The following MAPK10 variants were observed in gnomAD, a reference collection of about 807,000 sequenced individuals.
MAPK10 encodes the protein mitogen-activated protein kinase 10, also known as JNK3 alpha protein kinase.
Under a neutral mutation model 59.3 loss-of-function variants are expected in MAPK10, and 25 were observed. The ratio of observed to expected loss-of-function variants is 0.42; its 90% CI spans 0.31 to 0.59. The LOEUF is 0.59. Among genes scored for constraint, MAPK10 ranks in the 20% least tolerant of loss-of-function variants. The pLI, the probability that MAPK10 is intolerant of heterozygous loss-of-function variation, is 0.15. For missense variants in MAPK10, 351 were observed against 568.9 expected, an observed-to-expected ratio of 0.62 and a Z score of 3.90; for synonymous variants, 190 against 200.5, an observed-to-expected ratio of 0.95 and a Z score of 0.44.
At position 86,031,331 on chromosome 4, in the gene MAPK10, A is replaced by G. The variant is rs770043448; in HGVS notation, c.1174+37T>C. The G allele has an allele frequency of 2.1e-6, 3 of 1,446,034 alleles. No individual in the cohort carries two copies. In the South Asian group the frequency reaches 3.5e-5, roughly 17 times the overall value. The allele number at this position is 1,446,034 out of a possible 1,614,324, so 89.6% of individuals were successfully genotyped here. A position where few individuals can be genotyped will look rare whatever the true frequency, so the allele number is the denominator to read the frequency against. ...CTTGTTGATACTTTCTGAGTTCAAT[A>G]AAATAAAAAGTATACTTTTTTAAGT... On this transcript the variant is annotated intron_variant, in intron 12 of 13. Transcript: ENST00000641462.
In MAPK10 at chr4:86,359,642, G is replaced by A. The variant is rs1736464162; in HGVS notation, c.-122+16C>T. On this transcript the variant is annotated intron_variant, in intron 1 of 13. Transcript: ENST00000641462. Reference sequence around the variant, plus strand: ...AAAAACAGGTTAGAACCCAGAACGAGCAAAGAGCCACCTACCATTCCGTGC... The same window carrying A: ...AAAAACAGGTTAGAACCCAGAACGAACAAAGAGCCACCTACCATTCCGTGC... 2.0e-6 allele frequency: 2 copies of A among 983,666 alleles called. No individual in the cohort carries two copies. Among genetic ancestry groups the A allele is most frequent in the Non-Finnish European group, 2.4e-6 (2 of 827,994 alleles). The allele number at this position is 983,666 out of a possible 1,614,324, so 60.9% of individuals were successfully genotyped here.
At chr4:86,330,051 A>G (rs777311137) in intron 2 of MAPK10, among the ~76,000 whole-genome samples, 1 of 152,194 alleles carries the variant, frequency 6.6e-6, no homozygotes, top group East Asian at 1.9e-4. Context: ...GTGCGGCTGT[A>G]TATGAGTGTG....
At chr4:86,302,298 G>A (rs768637671) in intron 2 of MAPK10, among the ~76,000 whole-genome samples, 2 of 152,186 alleles carry the variant, frequency 1.3e-5, no homozygotes, top group Non-Finnish European at 2.9e-5. Context: ...CAGGCAAAAC[G>A]CTCACTAGTT....
intron 1 of MAPK10, among the ~76,000 whole-genome samples, chr4:86,522,743 A>G (rs1386495875): frequency 3.9e-5 from 6 of 152,196 alleles, no homozygotes; most frequent in Non-Finnish European, 8.8e-5. Flanking sequence ...GAAGCTACAC[A>G]TAGATCCTCT....
intron 2 of MAPK10, among the ~76,000 whole-genome samples, chr4:86,311,898 T>C (rs947376973): frequency 6.6e-6 from 1 of 152,118 alleles, no homozygotes; most frequent in African/African-American, 2.4e-5. Flanking sequence ...TTCTACACCT[T>C]CTCTTTTATT....
intron 2 of MAPK10, among the ~76,000 whole-genome samples, chr4:86,223,083 T>G (rs1248352816): frequency 1.3e-5 from 2 of 152,242 alleles, no homozygotes; most frequent in Admixed American, 1.3e-4. Flanking sequence ...CAACATCTTT[T>G]AAGCCTTGTG....
intron 1 of MAPK10, among the ~76,000 whole-genome samples, chr4:86,485,280 G>A (rs560820001): frequency 2.6e-4 from 39 of 152,078 alleles, no homozygotes; most frequent in Middle Eastern, 6.8e-3. Context: ...TTTCTTATAT[G>A]TATATTCTTG....
intron 13 of MAPK10, 53 bp downstream of exon 13, chr4:86,029,144 G>T (rs1215904233): frequency 1.6e-6 from 2 of 1,226,000 alleles, no homozygotes; most frequent in Non-Finnish European, 2.4e-6. Flanking sequence ...CTACACAAAG[G>T]CCAAGAAATT....
chr4:86,272,648 T>C (rs958309304), intron 2 of MAPK10, among the ~76,000 whole-genome samples: 1 of 152,076 alleles, frequency 6.6e-6, no homozygotes, highest in Non-Finnish European at 1.5e-5. Context: ...ATTGTCATTG[T>C]TGTTGCTTAA....
intron 1 of MAPK10, among the ~76,000 whole-genome samples, chr4:86,573,334 T>TATGG (rs1761613097): frequency 6.6e-6 from 1 of 152,202 alleles, no homozygotes; most frequent in Non-Finnish European, 1.5e-5. Flanking sequence ...GTTTTCTGCA[T>TATGG]ATGGATGTTC....
chr4:86,419,784 T>C (rs1746279225), intron 1 of MAPK10, among the ~76,000 whole-genome samples: 1 of 152,196 alleles, frequency 6.6e-6, no homozygotes, highest in African/African-American at 2.4e-5. Flanking sequence ...GAATCTTTCT[T>C]ATTCAGTGGC....
At chr4:86,340,604 G>C (rs896708407) in intron 2 of MAPK10, among the ~76,000 whole-genome samples, 6 of 152,106 alleles carry the variant, frequency 3.9e-5, no homozygotes, top group African/African-American at 1.4e-4. Context: ...TTCATCATGA[G>C]ATTTGGGTGG....
chr4:86,377,592 T>A (rs1440847463), intron 1 of MAPK10, among the ~76,000 whole-genome samples: 1 of 152,174 alleles, frequency 6.6e-6, no homozygotes, highest in Non-Finnish European at 1.5e-5. Context: ...GAAGAGTTCA[T>A]AGTAAAAATT....
chr4:86,129,148 C>T (rs2060576882), intron 4 of MAPK10, among the ~76,000 whole-genome samples: 1 of 152,072 alleles, frequency 6.6e-6, no homozygotes, highest in Non-Finnish European at 1.5e-5. Flanking sequence ...TTAGCATTAA[C>T]TTGCTGTATT....
At chr4:86,150,712 A>T (rs1355466937) in intron 4 of MAPK10, among the ~76,000 whole-genome samples, 1 of 152,156 alleles carries the variant, frequency 6.6e-6, no homozygotes, top group Non-Finnish European at 1.5e-5. Flanking sequence ...ACACAAAAAA[A>T]TTAGCAGGGC....
chr4:86,029,061 C>A (rs1424009095), intron 13 of MAPK10, 136 bp downstream of exon 13: 1 of 755,318 alleles, frequency 1.3e-6, no homozygotes, highest in East Asian at 2.5e-5. Flanking sequence ...AAACTAAAAT[C>A]ATTATAAGGA....
chr4:86,280,369 C>T (rs900267889), intron 2 of MAPK10, among the ~76,000 whole-genome samples: 2 of 152,162 alleles, frequency 1.3e-5, no homozygotes, highest in African/African-American at 2.4e-5. Flanking sequence ...CATCACTAAT[C>T]ATCAGAGAAA....
intron 3 of MAPK10, among the ~76,000 whole-genome samples, chr4:86,185,575 A>G (rs964463246): frequency 6.6e-6 from 1 of 152,172 alleles, no homozygotes; most frequent in African/African-American, 2.4e-5. Flanking sequence ...TTTTTCAAAG[A>G]CAATTCTTTC....
At chr4:86,545,557 G>A (rs1353399861) in intron 1 of MAPK10, among the ~76,000 whole-genome samples, 1 of 152,300 alleles carries the variant, frequency 6.6e-6, no homozygotes, top group East Asian at 1.9e-4. Flanking sequence ...AAAGGGGCAT[G>A]TATTGATAGC....
Sources: gnomAD v4.1 joint callset for allele counts (sites outside exome capture counted in the v4.1 genomes callset) on GRCh38, gnomAD v4.1.1 for gene constraint, MANE v1.5 for transcripts, NCBI Gene and HGNC (gene_info 2026-07-23, HGNC 2026-07-21) for gene names.